DRC11: variants seen among roughly 807,000 people sequenced by gnomAD.
DRC11 encodes dynein regulatory complex subunit 11.
chr2:236,491,206 A>ACACAG, the DRC11 span, among the ~76,000 whole-genome samples: 4 of 59,576 alleles, frequency 6.7e-5, no homozygotes, highest in Non-Finnish European at 1.4e-4. Context: ...ATATATATAT[A>ACACAG]TATATACACA....
chr2:236,410,720 A>T, the DRC11 span, among the ~76,000 whole-genome samples: 2 of 151,108 alleles, frequency 1.3e-5, no homozygotes, highest in Non-Finnish European at 2.9e-5. Context: ...GGAACAGAAC[A>T]GAGCCCTCAG....
chr2:236,412,680 C>G, the DRC11 span: 1 of 152,310 alleles, frequency 6.6e-6, no homozygotes, highest in African/African-American at 2.4e-5. Flanking sequence ...GGCAAGTCAT[C>G]CTTTGTGGTA....
At chr2:236,475,856 T>C in the DRC11 span, among the ~76,000 whole-genome samples, 9 of 152,092 alleles carry the variant, frequency 5.9e-5, no homozygotes, top group Admixed American at 5.9e-4. The surrounding 1 kb of genome is among the most constrained non-coding windows in gnomAD (Gnocchi z 4.8). Flanking sequence ...GTTCTTGGAG[T>C]CTTTGTCGAA....
the DRC11 span, among the ~76,000 whole-genome samples, chr2:236,419,504 G>A: frequency 6.6e-6 from 1 of 150,412 alleles, no homozygotes; most frequent in African/African-American, 2.5e-5. This position sits in a 1 kb window ranked among gnomAD's most constrained non-coding sequence, Gnocchi z 4.8. Context: ...AGAGAGTCTC[G>A]ACGTTTCTGA....
chr2:236,424,314 C>G, the DRC11 span, among the ~76,000 whole-genome samples: 1 of 152,130 alleles, frequency 6.6e-6, no homozygotes, highest in Non-Finnish European at 1.5e-5. Context: ...GTGGCCTTAT[C>G]AGTTAAGCCT....
the DRC11 span, chr2:236,465,441 A>C: frequency 7.1e-7 from 1 of 1,402,690 alleles, no homozygotes; most frequent in Non-Finnish European, 1.0e-6. This position sits in a 1 kb window ranked among gnomAD's most constrained non-coding sequence, Gnocchi z 6.2. Flanking sequence ...TGTGCTTAAA[A>C]ACATACAATA....
the DRC11 span, among the ~76,000 whole-genome samples, chr2:236,498,657 C>T: frequency 6.6e-6 from 1 of 152,136 alleles, no homozygotes; most frequent in African/African-American, 2.4e-5. Flanking sequence ...TGGGTGTGCC[C>T]TTCCACCAAA....
chr2:236,484,662 T>G, the DRC11 span, among the ~76,000 whole-genome samples: 4 of 152,084 alleles, frequency 2.6e-5, no homozygotes, highest in Non-Finnish European at 4.4e-5. Flanking sequence ...AAAGGTGTGT[T>G]TGTCATGAGA....
At chr2:236,327,306 G>C in the DRC11 span, among the ~76,000 whole-genome samples, 1,044 of 152,212 alleles carry the variant, frequency 6.9e-3, 15 homozygotes, top group African/African-American at 0.023. Context: ...ACCCAGGCTG[G>C]AGTGCAGTGG....
At chr2:236,481,601 AGCT>A in the DRC11 span, among the ~76,000 whole-genome samples, 1 of 151,974 alleles carries the variant, frequency 6.6e-6, no homozygotes, top group Admixed American at 6.6e-5. Context: ...CATTTTGGTG[AGCT>A]GCTTTTACTT....
At chr2:236,357,613 A>G in the DRC11 span, among the ~76,000 whole-genome samples, 2 of 122,872 alleles carry the variant, frequency 1.6e-5, no homozygotes, top group African/African-American at 3.3e-5. Flanking sequence ...ATATATATTT[A>G]TAAATATATA....
the DRC11 span, among the ~76,000 whole-genome samples, chr2:236,436,279 T>C: frequency 0.17 from 26,467 of 152,054 alleles, 2,509 homozygotes; most frequent in Non-Finnish European, 0.22. Context: ...GTCATACATG[T>C]TGCAAATGTT....
the DRC11 span, among the ~76,000 whole-genome samples, chr2:236,357,317 A>ATT: frequency 7.7e-5 from 9 of 116,232 alleles, no homozygotes; most frequent in Non-Finnish European, 6.3e-5. Context: ...AGATCTATAT[A>ATT]TTATATATAT....
chr2:236,362,111 A>G, the DRC11 span, among the ~76,000 whole-genome samples: 10 of 152,230 alleles, frequency 6.6e-5, no homozygotes, highest in African/African-American at 1.2e-4. The surrounding 1 kb of genome is among the most constrained non-coding windows in gnomAD (Gnocchi z 5.7). Flanking sequence ...ACATATATGA[A>G]GCAACTGACA....
the DRC11 span, among the ~76,000 whole-genome samples, chr2:236,329,367 A>G: frequency 3.3e-5 from 5 of 152,176 alleles, no homozygotes; most frequent in Admixed American, 2.6e-4. Flanking sequence ...CTCATGTGCA[A>G]AACAGGGGGT....
chr2:236,375,837 A>G, the DRC11 span, among the ~76,000 whole-genome samples: 1 of 152,250 alleles, frequency 6.6e-6, no homozygotes, highest in Non-Finnish European at 1.5e-5. The surrounding 1 kb of genome is among the most constrained non-coding windows in gnomAD (Gnocchi z 4.2). Context: ...AATGATATCT[A>G]TTCAATGTAG....
chr2:236,503,741 A>T, the DRC11 span: 1 of 1,518,834 alleles, frequency 6.6e-7, no homozygotes, highest in South Asian at 1.2e-5. This position sits in a 1 kb window ranked among gnomAD's most constrained non-coding sequence, Gnocchi z 4.9. Context: ...TCTCCACGTG[A>T]CCACACCCCC....
the DRC11 span, among the ~76,000 whole-genome samples, chr2:236,316,004 A>G: frequency 6.6e-6 from 1 of 152,228 alleles, no homozygotes; most frequent in Non-Finnish European, 1.5e-5. The surrounding 1 kb of genome is among the most constrained non-coding windows in gnomAD (Gnocchi z 6.8). Flanking sequence ...ACTTAAAATA[A>G]AAGCTTCTGA....
the DRC11 span, among the ~76,000 whole-genome samples, chr2:236,423,203 G>C: frequency 6.6e-6 from 1 of 151,834 alleles, no homozygotes; most frequent in Non-Finnish European, 1.5e-5. Context: ...TGACAAATGG[G>C]ATCTAATTAA....
Sources: gnomAD v4.1 joint callset for allele counts (sites outside exome capture counted in the v4.1 genomes callset) on GRCh38, gnomAD v4.1.1 for gene constraint, Gnocchi (gnomAD v3.1) non-coding constraint, MANE v1.5 for transcripts, NCBI Gene and HGNC (gene_info 2026-07-23, HGNC 2026-07-21) for gene names.